Variants in FRMD5 observed in about 807,000 individuals in gnomAD.
FRMD5 encodes the protein FERM domain-containing protein 5.
A neutral mutation model predicts 69.0 loss-of-function variants in FRMD5; 20 were observed. The ratio of observed to expected loss-of-function variants is 0.29; its 90% CI spans 0.20 to 0.42. FRMD5 has a LOEUF of 0.42. Among genes scored for constraint, FRMD5 ranks in the 10% least tolerant of loss-of-function variants. FRMD5 has a pLI of 1.00. For missense variants in FRMD5, 595 were observed against 708.6 expected, an observed-to-expected ratio of 0.84 and a Z score of 1.82; for synonymous variants, 271 against 260.1, an observed-to-expected ratio of 1.04 and a Z score of -0.40.
intron 1 of FRMD5, among the ~76,000 whole-genome samples, chr15:44,028,814 GGCCATCATTTATGACACTA>G (rs1236035050): frequency 1.3e-5 from 2 of 152,120 alleles, no homozygotes; most frequent in Non-Finnish European, 2.9e-5. Context: ...AGACACCTAT[GGCCATCATTTATGACACTA>G]CCCCAAGGGA....
chr15:44,012,564 T>C (rs1268398179), intron 1 of FRMD5, among the ~76,000 whole-genome samples: 2 of 152,154 alleles, frequency 1.3e-5, no homozygotes, highest in Non-Finnish European at 2.9e-5. Flanking sequence ...GTCACTAACT[T>C]CCCAAACATC....
At chr15:44,034,033 T>G (rs1300823101) in intron 1 of FRMD5, among the ~76,000 whole-genome samples, 1 of 152,184 alleles carries the variant, frequency 6.6e-6, no homozygotes, top group Admixed American at 6.5e-5. Context: ...TCTCTGATAT[T>G]GGTCATCAGA....
At chr15:43,908,077 G>T (rs2089213964) in intron 5 of FRMD5, among the ~76,000 whole-genome samples, 1 of 152,132 alleles carries the variant, frequency 6.6e-6, no homozygotes, top group Non-Finnish European at 1.5e-5. Context: ...CTCGACTTAG[G>T]TCAGGCCAGG....
chr15:43,915,002 C>G (rs2140429776), intron 4 of FRMD5, among the ~76,000 whole-genome samples: 1 of 152,310 alleles, frequency 6.6e-6, no homozygotes, highest in East Asian at 1.9e-4. Context: ...GCTGGGATTA[C>G]AGGCGTGAGC....
intron 1 of FRMD5, among the ~76,000 whole-genome samples, chr15:44,037,644 T>TA (rs1290045927): frequency 6.6e-6 from 1 of 151,480 alleles, no homozygotes; most frequent in East Asian, 1.9e-4. Context: ...TTTTTTTTTT[T>TA]TATAGTTTTA....
chr15:44,124,883 G>A (rs2077004978), intron 1 of FRMD5, among the ~76,000 whole-genome samples: 1 of 152,124 alleles, frequency 6.6e-6, no homozygotes, highest in Non-Finnish European at 1.5e-5. Flanking sequence ...GGTGGATTGA[G>A]CAGAAGAGGA....
At chr15:43,902,090 C>A (rs781433479) in intron 7 of FRMD5, 85 bp downstream of exon 7, 11 of 927,346 alleles carry the variant, frequency 1.2e-5, no homozygotes, top group Non-Finnish European at 1.8e-5. Context: ...TTGAAGGGGG[C>A]CTCTGAGCGC....
intron 13 of FRMD5, among the ~76,000 whole-genome samples, chr15:43,874,929 G>A (rs2088287678): frequency 6.6e-6 from 1 of 151,948 alleles, no homozygotes; most frequent in Non-Finnish European, 1.5e-5. Context: ...GCTGGGCGTG[G>A]TGCCTCATGC....
chr15:43,933,461 T>C (rs550362303), intron 1 of FRMD5, among the ~76,000 whole-genome samples: 14 of 152,326 alleles, frequency 9.2e-5, no homozygotes, highest in African/African-American at 2.9e-4. Context: ...GGCCTGGGAA[T>C]TGGCATTTCT....
At chr15:43,994,711 C>T (rs1175960124) in intron 1 of FRMD5, among the ~76,000 whole-genome samples, 3 of 152,226 alleles carry the variant, frequency 2.0e-5, no homozygotes, top group Non-Finnish European at 4.4e-5. Flanking sequence ...GGATTAAAGG[C>T]GTGAGCCACT....
intron 1 of FRMD5, among the ~76,000 whole-genome samples, chr15:44,105,055 A>G (rs998650094): frequency 5.9e-5 from 9 of 151,278 alleles, no homozygotes; most frequent in African/African-American, 2.2e-4. Flanking sequence ...CATACATGGT[A>G]GTAAAGAGCC....
chr15:44,063,541 T>G, intron 1 of FRMD5: 1 of 492,630 alleles, frequency 2.0e-6, no homozygotes, highest in Middle Eastern at 6.8e-4. Context: ...GGTAAATGAA[T>G]TTAGTTGTAC....
At chr15:44,024,098 T>C (rs1200761580) in intron 1 of FRMD5, among the ~76,000 whole-genome samples, 1 of 152,198 alleles carries the variant, frequency 6.6e-6, no homozygotes, top group Non-Finnish European at 1.5e-5. Context: ...TGTTACAATG[T>C]ACAGTTGGAA....
At chr15:44,195,294 C>G (rs939849152), upstream of FRMD5, 5 of 491,478 alleles carry the variant, frequency 1.0e-5, no homozygotes, top group East Asian at 1.9e-4. Flanking sequence ...CCCCAGTGCC[C>G]GTGCCCAGCT....
intron 1 of FRMD5, among the ~76,000 whole-genome samples, chr15:44,077,969 TA>T (rs1400026195): frequency 6.6e-6 from 1 of 152,128 alleles, no homozygotes; most frequent in Non-Finnish European, 1.5e-5. Flanking sequence ...AAACTATGTA[TA>T]TTTTTTATGT....
chr15:44,018,610 A>T (rs1057043657), intron 1 of FRMD5, among the ~76,000 whole-genome samples: 1 of 152,178 alleles, frequency 6.6e-6, no homozygotes, highest in African/African-American at 2.4e-5. Flanking sequence ...CTGTGGCTGC[A>T]CCCCTAAGAA....
intron 1 of FRMD5, among the ~76,000 whole-genome samples, chr15:44,090,760 T>C (rs2076460532): frequency 6.6e-6 from 1 of 152,194 alleles, no homozygotes; most frequent in South Asian, 2.1e-4. Context: ...AATTTTCTTC[T>C]GACAATGTGC....
At chr15:44,112,297 G>A (rs1046372017) in intron 1 of FRMD5, among the ~76,000 whole-genome samples, 1 of 152,078 alleles carries the variant, frequency 6.6e-6, no homozygotes, top group African/African-American at 2.4e-5. Context: ...CCTGTTATAT[G>A]GTTTTAGAAA....
At chr15:43,917,248 C>T (rs1439116) in intron 4 of FRMD5, among the ~76,000 whole-genome samples, 3,227 of 152,248 alleles carry the variant, frequency 0.021, 45 homozygotes, top group Middle Eastern at 0.041. Context: ...AGGTTTGCTC[C>T]GATATGTAGA....
Sources: allele counts gnomAD v4.1 joint callset (sites outside exome capture counted in the v4.1 genomes callset), GRCh38; gene constraint gnomAD v4.1.1; transcripts MANE v1.5; gene names NCBI Gene and HGNC (gene_info 2026-07-23, HGNC 2026-07-21).